The following MGAM2 variants were observed in gnomAD, a reference collection of about 807,000 sequenced individuals.
The protein encoded by MGAM2 is maltase-glucoamylase 2 (putative), also known as probable maltase-glucoamylase 2.
In MGAM2, 98 loss-of-function variants were observed where a neutral mutation model predicts 96.1. That is an observed-to-expected ratio of 1.02 (90% CI 0.87 to 1.21). The LOEUF (loss-of-function observed/expected upper bound fraction) is 1.21, where lower values mean the gene tolerates loss of function less well. Among genes scored for constraint, MGAM2 ranks in the 50% most tolerant of loss-of-function variants. MGAM2 has a pLI of 0.00. For missense variants in MGAM2, 2,055 were observed against 1,182.4 expected, an observed-to-expected ratio of 1.74 and a Z score of -10.82; for synonymous variants, 749 against 414.8, an observed-to-expected ratio of 1.81 and a Z score of -9.79.
At chr7:142,115,183 C>T (rs1436794559) in intron 1 of MGAM2, among the ~76,000 whole-genome samples, 3 of 152,150 alleles carry the variant, frequency 2.0e-5, no homozygotes, top group African/African-American at 7.2e-5. Flanking sequence ...CGCCACTGCA[C>T]TCCAGGGTGA....
intron 35 of MGAM2, among the ~76,000 whole-genome samples, chr7:142,187,502 G>A (rs564258710): frequency 2.0e-5 from 3 of 152,306 alleles, no homozygotes; most frequent in African/African-American, 7.2e-5. Flanking sequence ...TAAAATGCCA[G>A]GTAAGCAAGG....
chr7:142,181,511 G>T (rs1236055217), intron 32 of MGAM2, among the ~76,000 whole-genome samples: 2 of 152,146 alleles, frequency 1.3e-5, no homozygotes, highest in Non-Finnish European at 2.9e-5. Flanking sequence ...GGGAGATGGG[G>T]GATCCAGAGA....
chr7:142,184,653 C>T (rs756817036), intron 33 of MGAM2, among the ~76,000 whole-genome samples: 4 of 152,114 alleles, frequency 2.6e-5, no homozygotes, highest in South Asian at 4.2e-4. Context: ...ACTTGGAGTC[C>T]GCTATAAGTC....
At position 142,172,717 on chromosome 7, in the gene MGAM2, A is replaced by C. The variant is rs1221900991; in HGVS notation, c.3514A>C (p.Ile1172Leu). 2.8e-6 allele frequency: 2 copies of C among 704,574 alleles called. No homozygotes were observed. The allele number at this position is 704,574 out of a possible 1,614,324, so 43.6% of individuals were successfully genotyped here. The change falls in exon 30 of 48, where the codon ATT (isoleucine) becomes CTT (leucine). Residue 1172 changes from isoleucine (I) to leucine (L), a missense_variant. Ile to Leu is a conservative substitution (Grantham distance 5). Transcript: ENST00000477922. ...RTTGGILDFY[I>L]VLGPTPELVT... is the part of the protein sequence containing the mutation. ...CACAGGAGGGATTTTGGACTTCTAC[A>C]TTGTTTTGGGGCCAACCCCTGAACT...
Position 142,186,139 on chromosome 7 carries a change from G to T in MGAM2, c.4122+16G>T. The T allele has an allele frequency of 1.5e-6, 1 of 669,522 alleles. No homozygotes were observed. The highest frequency in any genetic ancestry group is 1.6e-5 in the South Asian group (1 of 60,880). 41.5% of individuals were successfully genotyped at this position (669,522 alleles called of 1,614,324 possible). On this transcript the variant is annotated intron_variant, in intron 35 of 47. Transcript: ENST00000477922. ...ATTGTGGATTGTAAGTGCACCCTTG[G>T]TTGTCTTTTTTTTTTTTTTGGAAAT...
intron 42 of MGAM2, among the ~76,000 whole-genome samples, 159 bp downstream of exon 42, chr7:142,197,887 C>G (rs984985201): frequency 1.3e-5 from 2 of 152,106 alleles, no homozygotes; most frequent in African/African-American, 4.8e-5. Flanking sequence ...TTTAAAAGAT[C>G]TCTCTGTTAA....
intron 47 of MGAM2, among the ~76,000 whole-genome samples, chr7:142,219,113 A>G (rs1213583365): frequency 2.0e-5 from 3 of 152,248 alleles, no homozygotes; most frequent in Admixed American, 1.3e-4. Context: ...ATTTTGGAAG[A>G]TGAAATACCA....
intron 23 of MGAM2, among the ~76,000 whole-genome samples, chr7:142,162,848 A>G (rs1163982453): frequency 6.6e-6 from 1 of 151,710 alleles, no homozygotes. Flanking sequence ...CAATTTCACA[A>G]GCAGAATGCC....
chr7:142,141,193 A>G (rs1795219078), intron 12 of MGAM2, 74 bp downstream of exon 12: 2 of 663,780 alleles, frequency 3.0e-6, no homozygotes, highest in African/African-American at 3.6e-5. Context: ...AGATGAGTGA[A>G]AGGCAAGTTA....
At chr7:142,142,524 G>T (rs1350589432) in intron 12 of MGAM2, among the ~76,000 whole-genome samples, 7 of 78,908 alleles carry the variant, frequency 8.9e-5, no homozygotes, top group Admixed American at 3.3e-4. Flanking sequence ...AGTGGTGTGT[G>T]TTTTTTTTTT....
rs79133556 is a variant in MGAM2, at chr7:142,180,072, G to A, written c.3817-3194G>A. ...CTGTTTATGGTGTTATTTCCTTTCTGGTTCAGTCTTGGGAGGTTGTGTGTT... is the reference window on the plus strand; with the variant it reads ...CTGTTTATGGTGTTATTTCCTTTCTAGTTCAGTCTTGGGAGGTTGTGTGTT... On this transcript the variant is annotated intron_variant, in intron 32 of 47. Transcript: ENST00000477922. Among the ~76,000 whole-genome samples, 1,101 of 151,916 alleles carry A rather than the reference G, an allele frequency of 7.2e-3. 14 individuals are homozygous for A. Among genetic ancestry groups the A allele is most frequent in the African/African-American group, 0.025 (1,046 of 41,428 alleles).
chr7:142,143,778 G>A lies in MGAM2; in HGVS notation c.1327G>A (p.Gly443Arg). Residue 443 changes from glycine (G) to arginine (R), a missense_variant, in exon 13 of 48, where the codon GGA becomes AGA. Gly to Arg is a moderately radical substitution (Grantham distance 125). Coordinates refer to ENST00000477922, the MANE Select transcript of MGAM2 (RefSeq NM_001293626.2). ...NGFAVGEGYPGPTVFPDYTNP... is the reference protein window; with the variant it reads ...NGFAVGEGYPRPTVFPDYTNP... ...TTCCTCTGTGTCCTAGGGATATCCG[G>A]GACCGACAGTCTTTCCCGATTATAC... is the stretch of plus-strand genomic sequence containing the variant. 1.5e-6 allele frequency: 1 copy of A among 676,154 alleles called. No individual in the cohort carries two copies. Among genetic ancestry groups the A allele is most frequent in the Non-Finnish European group, 2.7e-6 (1 of 369,004 alleles). The allele number at this position is 676,154 out of a possible 1,614,324, so 41.9% of individuals were successfully genotyped here.
chr7:142,189,171 C>G (rs1417902467), intron 36 of MGAM2, among the ~76,000 whole-genome samples, 196 bp from the exon 37 acceptor site: 3 of 152,142 alleles, frequency 2.0e-5, no homozygotes, highest in Non-Finnish European at 2.9e-5. Flanking sequence ...CTTTTCCCAG[C>G]TCCATATTTT....
chr7:142,169,984 T>C (rs1194492956), intron 26 of MGAM2, 91 bp from the exon 27 acceptor site: 8 of 608,150 alleles, frequency 1.3e-5, no homozygotes, highest in African/African-American at 5.6e-5. Context: ...TGCAAACTGG[T>C]CAAAAACATG....
At chr7:142,146,030 GA>G (rs1364346912) in intron 14 of MGAM2, among the ~76,000 whole-genome samples, 1 of 151,898 alleles carries the variant, frequency 6.6e-6, no homozygotes. Context: ...TTTTTTGGAG[GA>G]AGTCTTTACC....
chr7:142,172,286 G>A (rs757530574), intron 29 of MGAM2, 92 bp downstream of exon 29: 1 of 573,458 alleles, frequency 1.7e-6, no homozygotes. Flanking sequence ...GACATTCAGG[G>A]GGCAAGGGAA....
chr7:142,142,754 C>T (rs939794055), intron 12 of MGAM2, among the ~76,000 whole-genome samples: 2 of 151,970 alleles, frequency 1.3e-5, no homozygotes, highest in African/African-American at 2.4e-5. Flanking sequence ...TTCACTCTCT[C>T]GGCCAGACTG....
At chr7:142,215,662 G>A (rs1213641569) in intron 46 of MGAM2, among the ~76,000 whole-genome samples, 1 of 151,508 alleles carries the variant, frequency 6.6e-6, no homozygotes, top group African/African-American at 2.4e-5. Context: ...GGAGGCTGAG[G>A]CGGGAGAATC....
At chr7:142,143,945 G>A (rs1456170327) in intron 13 of MGAM2, 63 bp downstream of exon 13, 1 of 693,784 alleles carries the variant, frequency 1.4e-6, no homozygotes, top group African/African-American at 1.8e-5. Context: ...TTTCAGATGA[G>A]TTTTGACCTT....
Sources: allele counts gnomAD v4.1 joint callset (sites outside exome capture counted in the v4.1 genomes callset), GRCh38; gene constraint gnomAD v4.1.1; transcripts MANE v1.5; gene names NCBI Gene and HGNC (gene_info 2026-07-23, HGNC 2026-07-21).